METTL21A: variants seen among roughly 807,000 people sequenced by gnomAD.
The protein encoded by METTL21A is methyltransferase 21A, HSPA lysine.
In METTL21A, 22 loss-of-function variants were observed where a neutral mutation model predicts 20.9. That is an observed-to-expected ratio of 1.05 (90% CI 0.75 to 1.50). METTL21A has a LOEUF of 1.50. Among genes scored for constraint, METTL21A ranks in the 40% most tolerant of loss-of-function variants. The probability of loss-of-function intolerance (pLI) is 0.00; values close to 1 mark genes in which losing one functional copy is unlikely to be tolerated. For synonymous variants in METTL21A, 93 were observed against 102.0 expected (o/e 0.91, Z 0.53); for missense variants, 271 against 266.8 (o/e 1.02, Z -0.11).
intron 3 of METTL21A, chr2:207,599,272 G>T (rs1559089236): frequency 4.9e-6 from 1 of 203,240 alleles, no homozygotes; most frequent in East Asian, 7.6e-5. Context: ...TTAAAAACTG[G>T]TTTAACAGAA....
intron 3 of METTL21A, among the ~76,000 whole-genome samples, chr2:207,589,858 T>C (rs930161490): frequency 3.9e-5 from 6 of 152,174 alleles, no homozygotes; most frequent in African/African-American, 1.4e-4. Flanking sequence ...TTGCTAATAT[T>C]TTGTTGAGGA....
downstream of METTL21A, among the ~76,000 whole-genome samples, chr2:207,605,724 C>A (rs2709396): frequency 6.6e-6 from 1 of 152,104 alleles, no homozygotes; most frequent in Non-Finnish European, 1.5e-5. Context: ...CAGTCCTCTT[C>A]TGGGGACATT....
intron 3 of METTL21A, among the ~76,000 whole-genome samples, chr2:207,603,770 T>G (rs1189639513): frequency 6.6e-6 from 1 of 152,176 alleles, no homozygotes; most frequent in Non-Finnish European, 1.5e-5. Flanking sequence ...TCAGGTCCCC[T>G]TGCAATTCTA....
intron 3 of METTL21A, chr2:207,620,490 C>G: frequency 3.3e-6 from 1 of 299,198 alleles, no homozygotes; most frequent in Non-Finnish European, 5.7e-6. Context: ...AATAAAACAA[C>G]TAACTGTGTC....
At chr2:207,623,056 C>T (rs368004699) in intron 2 of METTL21A, among the ~76,000 whole-genome samples, 37 of 152,128 alleles carry the variant, frequency 2.4e-4, no homozygotes, top group South Asian at 8.3e-4. Flanking sequence ...TACAGGTGTG[C>T]GCCACCACGG....
chr2:207,608,855 A>G (rs1268818664), downstream of METTL21A, among the ~76,000 whole-genome samples: 2 of 152,224 alleles, frequency 1.3e-5, no homozygotes, highest in Non-Finnish European at 2.9e-5. Flanking sequence ...TGAATACGGG[A>G]GGCGGAGCTT....
intron 3 of METTL21A, among the ~76,000 whole-genome samples, chr2:207,589,840 G>A (rs969907369): frequency 6.6e-6 from 1 of 152,074 alleles, no homozygotes; most frequent in African/African-American, 2.4e-5. Flanking sequence ...TACATTGCTG[G>A]ATTCAATTTG....
intron 3 of METTL21A, among the ~76,000 whole-genome samples, chr2:207,584,051 T>G (rs1206081313): frequency 1.3e-5 from 2 of 152,264 alleles, no homozygotes; most frequent in African/African-American, 4.8e-5. Flanking sequence ...ATAGATATAC[T>G]GTGCTTTGTT....
exon 3 of METTL21A, chr2:207,621,864 G>A (rs777323865): frequency 1.2e-6 from 2 of 1,614,180 alleles, no homozygotes; most frequent in South Asian, 2.2e-5. Context: ...CCACGGCAGA[G>A]CGGCCCCTGA....
chr2:207,618,165 A>G (rs2090020336), intron 3 of METTL21A, among the ~76,000 whole-genome samples: 1 of 152,160 alleles, frequency 6.6e-6, no homozygotes, highest in East Asian at 1.9e-4. Flanking sequence ...TGGGCATCAA[A>G]TCACATGGGA....
intron 3 of METTL21A, chr2:207,603,457 ATC>A: frequency 4.5e-6 from 1 of 223,982 alleles, no homozygotes; most frequent in Non-Finnish European, 8.9e-6. Context: ...TGGGGATGGG[ATC>A]TCTATATTTT....
chr2:207,603,154 C>A (rs1344486380), intron 3 of METTL21A: 1 of 211,208 alleles, frequency 4.7e-6, no homozygotes, highest in Non-Finnish European at 9.6e-6. Context: ...CTAGAAACAT[C>A]CCTGTTTTAA....
chr2:207,592,918 G>GAAAAAAA (rs1034475253), intron 3 of METTL21A, among the ~76,000 whole-genome samples: 3 of 151,940 alleles, frequency 2.0e-5, no homozygotes, highest in Admixed American at 1.3e-4. Context: ...TCTCAAAAAA[G>GAAAAAAA]AAAAGAAAAT....
chr2:207,586,257 A>C (rs1191725057), intron 3 of METTL21A, among the ~76,000 whole-genome samples: 2 of 152,212 alleles, frequency 1.3e-5, no homozygotes, highest in African/African-American at 2.4e-5. Context: ...AGTGGAACAG[A>C]ATAAAGAACA....
intron 3 of METTL21A, among the ~76,000 whole-genome samples, chr2:207,586,962 T>G (rs2083955707): frequency 6.6e-6 from 1 of 152,082 alleles, no homozygotes; most frequent in African/African-American, 2.4e-5. Flanking sequence ...ATGGCTATAA[T>G]CAAAAAGACA....
At chr2:207,603,419 C>T in intron 3 of METTL21A, 1 of 224,442 alleles carries the variant, frequency 4.5e-6, no homozygotes, top group East Asian at 6.5e-5. Flanking sequence ...CATAAACATG[C>T]TTTTAAAAAC....
chr2:207,581,989 C>G (rs1160115362), exon 4 of METTL21A: 2 of 701,060 alleles, frequency 2.9e-6, no homozygotes, highest in South Asian at 1.5e-5. Context: ...AGGAATTCCA[C>G]AGAGGTATAG....
chr2:207,614,120 G>A (rs1173229158), intron 3 of METTL21A, among the ~76,000 whole-genome samples: 1 of 152,062 alleles, frequency 6.6e-6, no homozygotes, highest in African/African-American at 2.4e-5. Flanking sequence ...CTGGGAGCAG[G>A]CCAGGTACAG....
At chr2:207,600,379 G>A (rs2086853463) in intron 3 of METTL21A, 1 of 189,680 alleles carries the variant, frequency 5.3e-6, no homozygotes, top group South Asian at 2.0e-4. Flanking sequence ...CATTCCTTCT[G>A]GTAGTTTCTA....
Sources: allele counts gnomAD v4.1 joint callset (sites outside exome capture counted in the v4.1 genomes callset), GRCh38; gene constraint gnomAD v4.1.1; transcripts MANE v1.5; gene names NCBI Gene and HGNC (gene_info 2026-07-23, HGNC 2026-07-21).